SNTG2: variants seen among roughly 807,000 people sequenced by gnomAD.
The protein encoded by SNTG2 is syntrophin gamma 2.
A neutral mutation model predicts 70.9 loss-of-function variants in SNTG2; 74 were observed. The observed-to-expected ratio is 1.04, with a 90% CI of 0.86 to 1.27. The LOEUF (loss-of-function observed/expected upper bound fraction) is 1.27, where lower values mean the gene tolerates loss of function less well. Among genes scored for constraint, SNTG2 ranks in the 50% most tolerant of loss-of-function variants. SNTG2 has a pLI of 0.00. For synonymous variants in SNTG2, 278 were observed against 273.8 expected (o/e 1.02, Z -0.15); for missense variants, 717 against 690.7 (o/e 1.04, Z -0.43).
intron 1 of SNTG2, among the ~76,000 whole-genome samples, chr2:966,448 G>A (rs1253181958): frequency 7.0e-6 from 1 of 142,224 alleles, no homozygotes; most frequent in Non-Finnish European, 1.5e-5. Flanking sequence ...GAACTCTGAT[G>A]GTGAGAATTC....
chr2:1,061,322 A>G (rs1050429339), intron 1 of SNTG2, among the ~76,000 whole-genome samples: 7 of 152,194 alleles, frequency 4.6e-5, no homozygotes, highest in Non-Finnish European at 1.0e-4. Context: ...GAATATGTGT[A>G]TTAGATAATA....
At chr2:956,460 C>T (rs968381159) in intron 1 of SNTG2, among the ~76,000 whole-genome samples, 1 of 152,356 alleles carries the variant, frequency 6.6e-6, no homozygotes, top group Middle Eastern at 3.4e-3. Flanking sequence ...GCACGTGGAG[C>T]GCTGCCTGCC....
At chr2:1,307,980 G>T (rs1048697795) in intron 14 of SNTG2, among the ~76,000 whole-genome samples, 10 of 152,220 alleles carry the variant, frequency 6.6e-5, no homozygotes, top group African/African-American at 2.4e-4. Flanking sequence ...GTTTTTGTTT[G>T]TTTTTGGTGG....
intron 16 of SNTG2, among the ~76,000 whole-genome samples, chr2:1,318,981 T>A (rs1371928913): frequency 2.0e-5 from 3 of 152,152 alleles, no homozygotes; most frequent in Non-Finnish European, 4.4e-5. Flanking sequence ...CTTTTGACAG[T>A]GTCTGTTGAG....
intron 4 of SNTG2, among the ~76,000 whole-genome samples, chr2:1,136,711 T>TG (rs752214437): frequency 1.1e-4 from 17 of 152,122 alleles, no homozygotes; most frequent in Non-Finnish European, 2.4e-4. Context: ...AGGCAAAAAT[T>TG]GGGGAAAAAA....
intron 8 of SNTG2, among the ~76,000 whole-genome samples, chr2:1,180,768 C>T (rs1671827989): frequency 6.6e-6 from 1 of 151,078 alleles, no homozygotes; most frequent in Non-Finnish European, 1.5e-5. Flanking sequence ...CACATGCACA[C>T]GTATGTTTAT....
chr2:1,187,333 G>A (rs965329337), intron 8 of SNTG2, among the ~76,000 whole-genome samples: 10 of 152,036 alleles, frequency 6.6e-5, no homozygotes, highest in African/African-American at 2.2e-4. Flanking sequence ...CAGTGCTTTC[G>A]GTAAAGCACA....
chr2:1,200,060 G>A (rs981804685), intron 8 of SNTG2, among the ~76,000 whole-genome samples: 4 of 151,814 alleles, frequency 2.6e-5, no homozygotes, highest in African/African-American at 9.7e-5. Context: ...AATAGCCAAA[G>A]CAATCTTAAG....
At chr2:1,002,043 GA>G (rs1659411426) in intron 1 of SNTG2, among the ~76,000 whole-genome samples, 1 of 152,048 alleles carries the variant, frequency 6.6e-6, no homozygotes, top group African/African-American at 2.4e-5. Flanking sequence ...ATGGTGCTGG[GA>G]AAATTGGATA....
chr2:1,112,885 CTG>C (rs999014083), intron 4 of SNTG2, among the ~76,000 whole-genome samples: 2 of 149,462 alleles, frequency 1.3e-5, no homozygotes, highest in Non-Finnish European at 3.0e-5. Context: ...TGTGTACTAA[CTG>C]AGGTTTAACC....
chr2:1,311,938 T>C (rs1681013293), intron 15 of SNTG2, among the ~76,000 whole-genome samples: 1 of 152,168 alleles, frequency 6.6e-6, no homozygotes, highest in East Asian at 1.9e-4. Context: ...AAAGAGGTTC[T>C]GGACTTGGGA....
At chr2:1,109,970 A>G (rs1666333376) in intron 4 of SNTG2, among the ~76,000 whole-genome samples, 1 of 152,208 alleles carries the variant, frequency 6.6e-6, no homozygotes, top group Non-Finnish European at 1.5e-5. Flanking sequence ...CCTGAGCTGA[A>G]GGGCGGGTTC....
chr2:986,067 TAGAGAGAGAG>T lies in SNTG2; in HGVS notation c.72+35033_72+35042del, dbSNP rs10633277. On this transcript the variant is annotated intron_variant, in intron 1 of 16. Transcript: ENST00000308624. ...GGAAAAATACATTCCCTGCAAATAA[TAGAGAGAGAG>T]AGAGAGAGAGAGAGAGAGAGAGAGA... is the stretch of plus-strand genomic sequence containing the variant. 6.1e-3 allele frequency among the ~76,000 whole-genome samples: 792 copies of T among 129,798 alleles called. 5 individuals carry two copies. The highest frequency in any genetic ancestry group is 0.018 in the African/African-American group (613 of 34,980). The allele number at this position is 129,798 out of a possible 152,430, so 85.2% of individuals were successfully genotyped here. A position where few individuals can be genotyped will look rare whatever the true frequency, so the allele number is the denominator to read the frequency against.
At chr2:1,255,919 A>AATAT (rs1334434554) in intron 12 of SNTG2, among the ~76,000 whole-genome samples, 2,005 of 90,078 alleles carry the variant, frequency 0.022, 53 homozygotes, top group East Asian at 0.1. Context: ...TATATATATA[A>AATAT]ATATATAAAT....
intron 15 of SNTG2, among the ~76,000 whole-genome samples, chr2:1,314,732 G>A (rs1572968584): frequency 1.3e-5 from 2 of 151,788 alleles, no homozygotes; most frequent in East Asian, 3.9e-4. Flanking sequence ...AATTTATAAA[G>A]AAAAAGAGGT....
At chr2:1,274,809 C>T (rs1406073384) in intron 14 of SNTG2, among the ~76,000 whole-genome samples, 1 of 152,166 alleles carries the variant, frequency 6.6e-6, no homozygotes, top group Non-Finnish European at 1.5e-5. Context: ...CTGCTGGGCC[C>T]CTGCACAAAG....
chr2:1,242,490 T>C (rs1197258873), intron 11 of SNTG2, among the ~76,000 whole-genome samples: 1 of 152,110 alleles, frequency 6.6e-6, no homozygotes, highest in Admixed American at 6.5e-5. Context: ...ACCAAATAAT[T>C]TATCATACAA....
At chr2:1,310,456 G>A (rs1056403584) in intron 15 of SNTG2, among the ~76,000 whole-genome samples, 1 of 152,166 alleles carries the variant, frequency 6.6e-6, no homozygotes, top group Non-Finnish European at 1.5e-5. Context: ...AACTGAGTCT[G>A]CAAAAATGAA....
At chr2:1,083,884 AC>A (rs1664509186) in intron 2 of SNTG2, among the ~76,000 whole-genome samples, 2 of 152,256 alleles carry the variant, frequency 1.3e-5, no homozygotes, top group South Asian at 4.2e-4. Flanking sequence ...GTAAAGCTTT[AC>A]GTAAAAAATA....
Sources: gnomAD v4.1 joint callset for allele counts (sites outside exome capture counted in the v4.1 genomes callset) on GRCh38, gnomAD v4.1.1 for gene constraint, MANE v1.5 for transcripts, NCBI Gene and HGNC (gene_info 2026-07-23, HGNC 2026-07-21) for gene names.